Variants in ATRNL1 observed in about 807,000 individuals in gnomAD.
ATRNL1 encodes the protein attractin-like protein 1.
ATRNL1 carries 95 observed loss-of-function variants against 182.7 expected under a neutral mutation model. The ratio of observed to expected loss-of-function variants is 0.52; its 90% CI spans 0.44 to 0.62. ATRNL1 has a LOEUF of 0.62. Among genes scored for constraint, ATRNL1 ranks in the 20% least tolerant of loss-of-function variants. ATRNL1 has a pLI of 0.00. For missense variants in ATRNL1, 1,471 were observed against 1,679.5 expected (o/e 0.88, Z 2.17); for synonymous variants, 576 against 568.3 (o/e 1.01, Z -0.19).
intron 28 of ATRNL1, among the ~76,000 whole-genome samples, chr10:115,902,029 T>C (rs143673343): frequency 1.3e-5 from 2 of 152,286 alleles, no homozygotes; most frequent in East Asian, 3.9e-4. Flanking sequence ...CACGCTGAGA[T>C]TGTTTTGGAG....
intron 20 of ATRNL1, among the ~76,000 whole-genome samples, chr10:115,412,686 G>A (rs1258769595): frequency 6.6e-6 from 1 of 151,984 alleles, no homozygotes; most frequent in African/African-American, 2.4e-5. Context: ...TCTTGAATGG[G>A]GAAAATAATT....
At chr10:115,923,440 G>T (rs1352410895) in intron 28 of ATRNL1, among the ~76,000 whole-genome samples, 1 of 152,066 alleles carries the variant, frequency 6.6e-6, no homozygotes, top group African/African-American at 2.4e-5. Context: ...CCTGGTGTGT[G>T]TTGTTCCCCA....
At chr10:115,610,926 C>A (rs1857121519) in intron 26 of ATRNL1, among the ~76,000 whole-genome samples, 1 of 151,890 alleles carries the variant, frequency 6.6e-6, no homozygotes, top group Admixed American at 6.6e-5. Flanking sequence ...AAAGATTACC[C>A]TGAAGGGACA....
Position 115,529,209 on chromosome 10 carries a change from T to C in ATRNL1, c.3716+9885T>C, listed in dbSNP as rs912757280. On this transcript the variant is annotated intron_variant, in intron 25 of 28. Transcript: ENST00000355044. ...GTTCTATCCTTTACTGAGAATGGAG[T>C]TGAATTATTGTTTTAATCATTTGGA... 2.6e-5 allele frequency among the ~76,000 whole-genome samples: 4 copies of C among 152,176 alleles called. No individual in the cohort carries two copies. In the South Asian group the frequency reaches 8.3e-4, roughly 32 times the overall value.
At chr10:115,337,318 C>G (rs1273561045) in intron 19 of ATRNL1, among the ~76,000 whole-genome samples, 1 of 152,010 alleles carries the variant, frequency 6.6e-6, no homozygotes, top group Non-Finnish European at 1.5e-5. Context: ...AAGCATTTAT[C>G]CTTTGTGTTA....
At chr10:115,535,278 C>G (rs1246035901) in intron 25 of ATRNL1, among the ~76,000 whole-genome samples, 1 of 152,142 alleles carries the variant, frequency 6.6e-6, no homozygotes, top group Non-Finnish European at 1.5e-5. Context: ...TTCACATAAT[C>G]CCATATTTCT....
At chr10:115,474,376 T>G (rs1353494530) in intron 24 of ATRNL1, among the ~76,000 whole-genome samples, 2 of 151,446 alleles carry the variant, frequency 1.3e-5, no homozygotes, top group East Asian at 3.9e-4. Context: ...TCTTCTGCAA[T>G]TTTCTTTTTG....
chr10:115,323,137 G>A (rs11197161), intron 18 of ATRNL1, among the ~76,000 whole-genome samples: 1,977 of 151,958 alleles, frequency 0.013, 39 homozygotes, highest in African/African-American at 0.046. Context: ...TAAAATTAAT[G>A]ATGTCCCATA....
chr10:115,498,172 A>T (rs1015717865), intron 24 of ATRNL1, among the ~76,000 whole-genome samples: 1 of 152,134 alleles, frequency 6.6e-6, no homozygotes, highest in Admixed American at 6.6e-5. Context: ...TTTAAATACC[A>T]TAGTAAAATA....
At chr10:115,492,603 T>C (rs1157912150) in intron 24 of ATRNL1, among the ~76,000 whole-genome samples, 1 of 147,992 alleles carries the variant, frequency 6.8e-6, no homozygotes, top group Non-Finnish European at 1.5e-5. Flanking sequence ...TTATATATAT[T>C]ATAATTCATT....
At chr10:115,699,762 G>A (rs1446050159) in intron 26 of ATRNL1, among the ~76,000 whole-genome samples, 2 of 152,096 alleles carry the variant, frequency 1.3e-5, no homozygotes, top group African/African-American at 2.4e-5. Context: ...ACGTGACTGA[G>A]GTTTGGGATA....
At chr10:115,348,211 G>A (rs552926462) in intron 19 of ATRNL1, among the ~76,000 whole-genome samples, 8 of 152,120 alleles carry the variant, frequency 5.3e-5, no homozygotes, top group African/African-American at 1.9e-4. Flanking sequence ...GACCTCAGGT[G>A]ATCCACCTGC....
intron 8 of ATRNL1, among the ~76,000 whole-genome samples, chr10:115,202,040 A>G (rs1424108100): frequency 6.6e-6 from 1 of 151,066 alleles, no homozygotes; most frequent in Non-Finnish European, 1.5e-5. Flanking sequence ...TTTGTCTGTT[A>G]TTGGTGTATA....
intron 26 of ATRNL1, among the ~76,000 whole-genome samples, chr10:115,682,163 C>A (rs559988249): frequency 6.6e-6 from 1 of 152,268 alleles, no homozygotes; most frequent in South Asian, 2.1e-4. Flanking sequence ...AAGTCTCACC[C>A]TAGCTCCACA....
At chr10:115,660,829 G>A (rs1313589549) in intron 26 of ATRNL1, among the ~76,000 whole-genome samples, 1 of 152,020 alleles carries the variant, frequency 6.6e-6, no homozygotes, top group African/African-American at 2.4e-5. Context: ...GGCATCGATT[G>A]CATGCATGCA....
chr10:115,886,829 T>G (rs2134453248), intron 28 of ATRNL1, among the ~76,000 whole-genome samples: 1 of 152,356 alleles, frequency 6.6e-6, no homozygotes, highest in Admixed American at 6.5e-5. Flanking sequence ...ATGCATATCC[T>G]TAGAATAAAT....
chr10:115,351,513 C>T (rs1856248818), intron 19 of ATRNL1, among the ~76,000 whole-genome samples: 1 of 151,422 alleles, frequency 6.6e-6, no homozygotes, highest in South Asian at 2.1e-4. Flanking sequence ...TAATTTTTGA[C>T]CTTTATTTTG....
intron 24 of ATRNL1, among the ~76,000 whole-genome samples, chr10:115,480,253 G>T (rs112423243): frequency 6.7e-6 from 1 of 149,026 alleles, no homozygotes; most frequent in Admixed American, 6.7e-5. Context: ...AAAACTACTG[G>T]TTAAGTAGAT....
At chr10:115,721,650 A>G (rs1947429273) in intron 26 of ATRNL1, among the ~76,000 whole-genome samples, 1 of 152,130 alleles carries the variant, frequency 6.6e-6, no homozygotes, top group Non-Finnish European at 1.5e-5. Context: ...ACCAGCCCCC[A>G]TGATTCAGTT....
Sources: gnomAD v4.1 joint callset for allele counts (sites outside exome capture counted in the v4.1 genomes callset) on GRCh38, gnomAD v4.1.1 for gene constraint, MANE v1.5 for transcripts, NCBI Gene and HGNC (gene_info 2026-07-23, HGNC 2026-07-21) for gene names.